DYRK4: variants seen among roughly 807,000 people sequenced by gnomAD.
DYRK4 encodes dual specificity tyrosine phosphorylation regulated kinase 4.
DYRK4 carries 64 observed loss-of-function variants against 68.3 expected under a neutral mutation model. That is an observed-to-expected ratio of 0.94 (90% CI 0.77 to 1.15). The LOEUF (loss-of-function observed/expected upper bound fraction) is 1.15. Ranked by LOEUF, DYRK4 falls within the 50% of genes most tolerant of loss-of-function variation. DYRK4 has a pLI of 0.00. For synonymous variants in DYRK4, 274 were observed against 289.9 expected, an observed-to-expected ratio of 0.95 and a Z score of 0.56; for missense variants, 740 against 764.7, an observed-to-expected ratio of 0.97 and a Z score of 0.38.
In DYRK4 at chr12:4,600,240, A is replaced by G. The variant is rs192563079; in HGVS notation, c.1126+452A>G. Among the ~76,000 whole-genome samples the G allele has an allele frequency of 1.4e-4, 21 of 151,874 alleles. No homozygotes were observed. The East Asian group carries it at 3.9e-3, about 28-fold the overall frequency. On this transcript the variant is annotated intron_variant, in intron 10 of 14. Coordinates refer to ENST00000543431, the MANE Select transcript of DYRK4 (RefSeq NM_001394779.1). ...ATCCAAAAAAGTAGCTCTGGAGTACATTTTCACAGCGTTTACTGAACTTTA... is the reference window on the plus strand; with the variant it reads ...ATCCAAAAAAGTAGCTCTGGAGTACGTTTTCACAGCGTTTACTGAACTTTA...
Position 4,568,058 on chromosome 12 carries a change from C to G in DYRK4, c.132+10C>G. On this transcript the variant is annotated intron_variant, in intron 2 of 14. Transcript: ENST00000543431. The stretch of plus-strand genomic sequence containing the variant: ...GTTCACCTCTGCGAAGGTAAAGATC[C>G]TTGAATTTTCACTGGGGAAGAGAGG... 1 of 1,535,010 alleles carries G rather than the reference C, an allele frequency of 6.5e-7. No individual in the cohort carries two copies.
In DYRK4 at chr12:4,596,246, A is replaced by G. The variant is rs1945016600; in HGVS notation, c.725A>G (p.Asn242Ser). ...QVAKCLDHKN[N>S]ELVALKIIRN... is the part of the protein sequence containing the mutation. Reference sequence around the variant, plus strand: ...GCCAAGTGCTTGGATCACAAAAACAATGAGCTGGTGGCCCTGAAAATCATC... The same window carrying G: ...GCCAAGTGCTTGGATCACAAAAACAGTGAGCTGGTGGCCCTGAAAATCATC... Residue 242 changes from asparagine (N) to serine (S), a missense_variant, in exon 7 of 15, where the codon AAT (asparagine) becomes AGT (serine). Coordinates refer to ENST00000543431, the MANE Select transcript of DYRK4 (RefSeq NM_001394779.1). The G allele has an allele frequency of 6.2e-7, 1 of 1,614,212 alleles. No individual in the cohort carries two copies. Among genetic ancestry groups the G allele is most frequent in the Admixed American group, 1.7e-5 (1 of 60,030 alleles).
chr12:4,585,659 AG>A (rs1357119446), intron 2 of DYRK4, among the ~76,000 whole-genome samples: 1 of 152,214 alleles, frequency 6.6e-6, no homozygotes, highest in African/African-American at 2.4e-5. Flanking sequence ...GGATAACATT[AG>A]GAGATATACC....
At chr12:4,576,258 T>A (rs1452134823) in intron 2 of DYRK4, among the ~76,000 whole-genome samples, 2 of 152,222 alleles carry the variant, frequency 1.3e-5, no homozygotes, top group Non-Finnish European at 2.9e-5. Context: ...GAATATTGTA[T>A]AGTTGGAATC....
intron 1 of DYRK4, among the ~76,000 whole-genome samples, chr12:4,563,460 G>GT (rs1229693677): frequency 6.6e-6 from 1 of 152,226 alleles, no homozygotes; most frequent in Admixed American, 6.5e-5. Flanking sequence ...TAAGCCCATC[G>GT]TGAGTGTGTT....
At chr12:4,583,759 G>A (rs774323487) in intron 2 of DYRK4, among the ~76,000 whole-genome samples, 1 of 152,092 alleles carries the variant, frequency 6.6e-6, no homozygotes, top group Non-Finnish European at 1.5e-5. Flanking sequence ...ATTTGCAATT[G>A]AGGCACTTCC....
At chr12:4,606,031 G>T (rs1216170844) in intron 11 of DYRK4, among the ~76,000 whole-genome samples, 1 of 152,162 alleles carries the variant, frequency 6.6e-6, no homozygotes, top group East Asian at 1.9e-4. Context: ...TTCAAAGTAT[G>T]TGTATTGTTC....
intron 2 of DYRK4, among the ~76,000 whole-genome samples, chr12:4,582,443 A>AAAATG: frequency 6.6e-6 from 1 of 151,900 alleles, no homozygotes; most frequent in South Asian, 2.1e-4. Flanking sequence ...CATCTCAAAT[A>AAAATG]AAATGAAATG....
chr12:4,599,781 C>A lies in DYRK4; in HGVS notation c.1119C>A (p.His373Gln). The change falls in exon 10 of 15, where the codon CAC becomes CAA. Residue 373 changes from histidine (H) to glutamine (Q), a missense_variant. Physicochemically the swap from His to Gln is conservative, Grantham distance 24. Around this residue, in one of 3 missense-constraint regions of DYRK4, gnomAD observed 614 missense variants for 603.7 expected, o/e 1.02. Transcript: ENST00000543431. ...ACTTTGGATCAAGCTGTTATGAACA[C>A]CAGAAAGGTGAGCCCCATGTCAGTC... Reference protein sequence around the residue: ...VIDFGSSCYEHQKVYTYIQSR... With the variant: ...VIDFGSSCYEQQKVYTYIQSR... The A allele has an allele frequency of 6.2e-7, 1 of 1,613,782 alleles. No homozygotes were observed.
chr12:4,581,567 T>C (rs1944842508), intron 2 of DYRK4, among the ~76,000 whole-genome samples: 1 of 152,174 alleles, frequency 6.6e-6, no homozygotes, highest in South Asian at 2.1e-4. Flanking sequence ...TGGGAGCACT[T>C]TCCTGGTGGG....
chr12:4,582,854 G>A (rs78796886), intron 2 of DYRK4, among the ~76,000 whole-genome samples: 5,935 of 152,110 alleles, frequency 0.039, 161 homozygotes, highest in African/African-American at 0.068. Flanking sequence ...TGAGGCTGGG[G>A]GCGCTTTGTG....
intron 2 of DYRK4, among the ~76,000 whole-genome samples, chr12:4,578,371 G>T (rs543140461): frequency 6.6e-6 from 1 of 151,936 alleles, no homozygotes; most frequent in South Asian, 2.1e-4. Context: ...ACTCCCTCTG[G>T]CTATGTATAA....
chr12:4,581,126 G>A (rs1189260873), intron 2 of DYRK4: 3 of 234,682 alleles, frequency 1.3e-5, no homozygotes, highest in Non-Finnish European at 2.6e-5. Context: ...TGTGGTCCTT[G>A]GGTAAACTGA....
At chr12:4,575,727 T>C (rs536527441) in intron 2 of DYRK4, among the ~76,000 whole-genome samples, 4 of 152,350 alleles carry the variant, frequency 2.6e-5, no homozygotes, top group Non-Finnish European at 5.9e-5. Flanking sequence ...CATGCCTTTA[T>C]TGTTTAAGAA....
In DYRK4 at chr12:4,607,337, T is replaced by G. The variant is rs201862244; in HGVS notation, c.1310T>G (p.Leu437Arg). 2.7e-5 allele frequency: 44 copies of G among 1,614,232 alleles called. No individual in the cohort carries two copies. In the Admixed American group the frequency reaches 3.0e-4, roughly 11 times the overall value. ...QLACIMEVLG[L>R]PPAGFIQTAS... ...ATTATCCTTATTAAGGTGCTGGGTC[T>G]GCCGCCAGCCGGCTTCATTCAGACA... The change falls in exon 12 of 15, where the codon CTG (leucine) becomes CGG (arginine). Residue 437 changes from leucine to arginine, a missense_variant. Coordinates refer to ENST00000543431, the MANE Select transcript of DYRK4 (RefSeq NM_001394779.1).
rs370025946 is a variant in DYRK4 at position 4,609,371 on chromosome 12, C to T, written c.1361-784C>T. On this transcript the variant is annotated intron_variant, in intron 12 of 14. Coordinates refer to ENST00000543431, the MANE Select transcript of DYRK4 (RefSeq NM_001394779.1). Reference sequence around the variant, plus strand: ...GATTGCGATAGGACCCAGGATTCGACGTTTTTAATGACGGCTCCTTGTGAT... The same window carrying T: ...GATTGCGATAGGACCCAGGATTCGATGTTTTTAATGACGGCTCCTTGTGAT... Among the ~76,000 whole-genome samples, 8 of 152,296 alleles carry T rather than the reference C, an allele frequency of 5.3e-5. No individual in the cohort carries two copies. In the South Asian group the frequency reaches 8.3e-4, roughly 16 times the overall value.
intron 5 of DYRK4, 79 bp from the exon 6 acceptor site, chr12:4,592,923 A>T (rs1438637099): frequency 7.8e-6 from 12 of 1,533,470 alleles, no homozygotes; most frequent in Non-Finnish European, 1.1e-5. Context: ...CGTGACCTGG[A>T]AGGGATGCCA....
Position 4,591,562 on chromosome 12 carries a change from A to G in DYRK4, c.463+264A>G, listed in dbSNP as rs1328025387. ...CAATGCAGACAGAAGGAAGTGTCTC[A>G]TTTGCCTAAGGAGCCCAGACACAAG... On this transcript the variant is annotated intron_variant, in intron 5 of 14. Transcript: ENST00000543431. The surrounding 1 kb of genome is among the most constrained non-coding windows in gnomAD (Gnocchi z 4.1). 2 of 425,458 alleles carry G rather than the reference A, an allele frequency of 4.7e-6. No homozygotes were observed. Among genetic ancestry groups the G allele is most frequent in the Non-Finnish European group, 8.3e-6 (2 of 241,316 alleles). 26.4% of individuals were successfully genotyped at this position (425,458 alleles called of 1,614,324 possible).
chr12:4,583,720 T>C (rs1288149111), intron 2 of DYRK4, among the ~76,000 whole-genome samples: 2 of 152,100 alleles, frequency 1.3e-5, no homozygotes, highest in East Asian at 1.9e-4. Context: ...GAAAGTGAGA[T>C]GGTTGTCAGC....
Sources: allele counts gnomAD v4.1 joint callset (sites outside exome capture counted in the v4.1 genomes callset), GRCh38; gene constraint gnomAD v4.1.1; regional missense constraint gnomAD v4.1.1; non-coding constraint Gnocchi (gnomAD v3.1); transcripts MANE v1.5; gene names NCBI Gene and HGNC (gene_info 2026-07-23, HGNC 2026-07-21).